The following NT5C1A variants were observed in gnomAD, a reference collection of about 807,000 sequenced individuals.
The protein encoded by NT5C1A is cytosolic 5'-nucleotidase 1A.
Under a neutral mutation model 31.0 loss-of-function variants are expected in NT5C1A, and 18 were observed. The observed-to-expected ratio is 0.58, with a 90% confidence interval of 0.40 to 0.86. NT5C1A has a LOEUF of 0.86. Among genes scored for constraint, NT5C1A ranks in the 40% least tolerant of loss-of-function variants. The pLI is 0.00. For synonymous variants in NT5C1A, 185 were observed against 203.6 expected, an observed-to-expected ratio of 0.91 and a Z score of 0.78; for missense variants, 470 against 505.4, an observed-to-expected ratio of 0.93 and a Z score of 0.67.
intron 4 of NT5C1A, 100 bp downstream of exon 4, chr1:39,663,212 G>A: frequency 7.3e-7 from 1 of 1,370,372 alleles, no homozygotes; most frequent in Non-Finnish European, 1.0e-6. Flanking sequence ...TAGTTACCAT[G>A]GCAACTCCCA....
chr1:39,667,134 T>A (rs1003293471), intron 1 of NT5C1A, among the ~76,000 whole-genome samples: 2 of 151,186 alleles, frequency 1.3e-5, no homozygotes, highest in African/African-American at 2.4e-5. Context: ...TCCATTCCCC[T>A]CTTCCAATCC....
At chr1:39,665,748 T>C (rs1398862783) in intron 2 of NT5C1A, 98 bp from the exon 3 acceptor site, 7 of 1,253,710 alleles carry the variant, frequency 5.6e-6, no homozygotes, top group Non-Finnish European at 5.6e-6. Context: ...GAGCCATGCT[T>C]GGGATGAGAT....
In NT5C1A at chr1:39,659,442, CT is replaced by C; in HGVS notation, c.785del (p.Lys262ArgfsTer19). Reference sequence around the variant, plus strand: ...GCCGCAGGCCTTTGGAGTAGAACTTCTTCTGCAACCTACCCAGTGCCTCCAG... The same window carrying C: ...GCCGCAGGCCTTTGGAGTAGAACTTCTCTGCAACCTACCCAGTGCCTCCAG... ...GFLEALGRLQ[K>X]KFYSKGLRLE... is the part of the protein sequence containing the mutation. On this transcript the variant is annotated frameshift_variant, in exon 6 of 6. Transcript: ENST00000235628. LOFTEE classifies it high-confidence loss of function. The C allele has an allele frequency of 6.2e-7, 1 of 1,604,434 alleles. No homozygotes were observed. The highest frequency in any genetic ancestry group is 8.5e-7 in the Non-Finnish European group (1 of 1,173,904).
rs921311344 is a variant in NT5C1A at position 39,653,281 on chromosome 1, T to A, written c.*5840A>T. Among the ~76,000 whole-genome samples, 10 of 151,984 alleles carry A rather than the reference T, an allele frequency of 6.6e-5. No individual in the cohort carries two copies. The highest frequency in any genetic ancestry group is 6.5e-4 in the Admixed American group (10 of 15,272). On this transcript the variant is annotated 3_prime_UTR_variant, in exon 6 of 6. Coordinates refer to ENST00000235628, the MANE Select transcript of NT5C1A (RefSeq NM_032526.3). ...TGCACATACGCAAATGCCCATGTTA[T>A]GATGGAAATGGGTACAACTATCCTA...
intron 1 of NT5C1A, among the ~76,000 whole-genome samples, chr1:39,666,974 C>A (rs914431851): frequency 6.6e-6 from 1 of 152,228 alleles, no homozygotes; most frequent in African/African-American, 2.4e-5. Flanking sequence ...ATTCTCTAAT[C>A]TGTCATTCAT....
rs1011484491 is a variant in NT5C1A at position 39,657,495 on chromosome 1, C to T, written c.*1626G>A. Among the ~76,000 whole-genome samples, 3 of 152,226 alleles carry T rather than the reference C, an allele frequency of 2.0e-5. No individual in the cohort carries two copies. In the South Asian group the frequency reaches 6.2e-4, roughly 32 times the overall value. On this transcript the variant is annotated 3_prime_UTR_variant, in exon 6 of 6. Coordinates refer to ENST00000235628, the MANE Select transcript of NT5C1A (RefSeq NM_032526.3). ...TTCTTTACAAAGTGCTTGCTCATGA[C>T]TAGGATTCCTCCTAGAAGCCTGGCA...
In NT5C1A at chr1:39,663,313, C is replaced by G. The variant is rs1183874869; in HGVS notation, c.555G>C (p.Glu185Asp). 6.2e-7 allele frequency: 1 copy of G among 1,614,180 alleles called. No homozygotes were observed. The highest frequency in any genetic ancestry group is 1.7e-5 in the Admixed American group (1 of 60,016). The change falls in exon 4 of 6, where the codon GAG (glutamate) becomes GAC (aspartate). Residue 185 changes from glutamate (E) to aspartate (D), a missense_variant and splice_region_variant. Glu to Asp is a conservative substitution (Grantham distance 45). Coordinates refer to ENST00000235628, the MANE Select transcript of NT5C1A (RefSeq NM_032526.3). ...TTCTTCCTCTTCACTTAGACTTACC[C>G]TCATCAATGGCTTCTCGCACTTTTT... The part of the protein sequence containing the change: ...DAEKVREAID[E>D]GIAAATIFSP...
Position 39,652,992 on chromosome 1 carries a change from G to T in NT5C1A, c.*6129C>A, listed in dbSNP as rs907231260. 6.6e-6 allele frequency among the ~76,000 whole-genome samples: 1 copy of T among 152,048 alleles called. No homozygotes were observed. Among genetic ancestry groups the T allele is most frequent in the Non-Finnish European group, 1.5e-5 (1 of 68,018 alleles). ...GGCAGGTTGTGCAGGTGTCTAATAG[G>T]TACTACCCATGTCACAATACCAATG... On this transcript the variant is annotated 3_prime_UTR_variant, in exon 6 of 6. Transcript: ENST00000235628.
intron 3 of NT5C1A, among the ~76,000 whole-genome samples, chr1:39,664,815 T>C (rs777977340): frequency 2.0e-5 from 3 of 150,868 alleles, no homozygotes; most frequent in Admixed American, 6.6e-5. Context: ...GGTTTTTATT[T>C]AGGAAAAGCA....
chr1:39,663,187 C>T (rs914895371), intron 4 of NT5C1A, 125 bp downstream of exon 4: 36 of 1,051,554 alleles, frequency 3.4e-5, no homozygotes, highest in Non-Finnish European at 5.2e-5. Context: ...GAAAGTATTG[C>T]TCAGCCTTGC....
At chr1:39,663,184 T>A (rs1646500288) in intron 4 of NT5C1A, 128 bp downstream of exon 4, 1 of 996,684 alleles carries the variant, frequency 1.0e-6, no homozygotes, top group Non-Finnish European at 1.5e-6. Flanking sequence ...AAGGAAAGTA[T>A]TGCTCAGCCT....
At position 39,654,074 on chromosome 1, in the gene NT5C1A, T is replaced by G. The variant is rs1243060871; in HGVS notation, c.*5047A>C. On this transcript the variant is annotated 3_prime_UTR_variant, in exon 6 of 6. Transcript: ENST00000235628. ...ATGGCATAGCGACAGCAATGATGGC[T>G]GTAGATGGGGCGTCTTCCATACTGT... 3.3e-5 allele frequency among the ~76,000 whole-genome samples: 5 copies of G among 152,234 alleles called. No individual in the cohort carries two copies. Among genetic ancestry groups the G allele is most frequent in the African/African-American group, 1.2e-4 (5 of 41,466 alleles).
chr1:39,664,716 G>A (rs1039057181), intron 3 of NT5C1A, among the ~76,000 whole-genome samples: 11 of 150,170 alleles, frequency 7.3e-5, no homozygotes, highest in East Asian at 4.0e-4. Context: ...TTTGAACTCC[G>A]GACCTCAAGT....
chr1:39,667,345 G>C (rs1385252810), intron 1 of NT5C1A, among the ~76,000 whole-genome samples: 1 of 151,918 alleles, frequency 6.6e-6, no homozygotes, highest in Non-Finnish European at 1.5e-5. Flanking sequence ...GGGACTATAG[G>C]TACCCGCCAC....
rs535373381 is a variant in NT5C1A at position 39,665,536 on chromosome 1, T to G, written c.418A>C (p.Ser140Arg). The G allele has an allele frequency of 1.2e-6, 2 of 1,613,038 alleles. No homozygotes were observed. The highest frequency in any genetic ancestry group is 3.3e-5 in the Admixed American group (2 of 59,902). Reference protein sequence around the residue: ...HAQVGVRLINSINHYDLFIER... With the variant: ...HAQVGVRLINRINHYDLFIER... ...TCATGCTCACCATAGTGGTTGATAC[T>G]GTTGATGAGGCGGACACCCACTTGA... Residue 140 changes from serine (S) to arginine (R), a missense_variant, in exon 3 of 6, where the codon AGT becomes CGT. Transcript: ENST00000235628.
chr1:39,663,229 G>T, intron 4 of NT5C1A, 83 bp downstream of exon 4: 2 of 1,539,262 alleles, frequency 1.3e-6, no homozygotes, highest in Non-Finnish European at 1.8e-6. Flanking sequence ...CCCAGCACCT[G>T]CTCGGAACTT....
chr1:39,657,523 C>T lies in NT5C1A; in HGVS notation c.*1598G>A, dbSNP rs1646469878. Among the ~76,000 whole-genome samples the T allele has an allele frequency of 6.6e-6, 1 of 152,326 alleles. No individual in the cohort carries two copies. Among genetic ancestry groups the T allele is most frequent in the South Asian group, 2.1e-4 (1 of 4,828 alleles). ...GGATTCCTCCTAGAAGCCTGGCAAT[C>T]AGTCCACACACAGATGTCTGCTCAC... On this transcript the variant is annotated 3_prime_UTR_variant, in exon 6 of 6. Coordinates refer to ENST00000235628, the MANE Select transcript of NT5C1A (RefSeq NM_032526.3).
chr1:39,662,033 G>T (rs1646495163), intron 4 of NT5C1A, among the ~76,000 whole-genome samples: 1 of 152,214 alleles, frequency 6.6e-6, no homozygotes, highest in African/African-American at 2.4e-5. Context: ...GTCCAAGGAT[G>T]CCTCTCAGGG....
intron 1 of NT5C1A, among the ~76,000 whole-genome samples, chr1:39,669,374 G>T (rs1646538761): frequency 1.3e-5 from 2 of 152,190 alleles, no homozygotes; most frequent in Non-Finnish European, 2.9e-5. Flanking sequence ...AAGGGCTGCT[G>T]AAAGAGAGAG....
Sources: gnomAD v4.1 joint callset for allele counts (sites outside exome capture counted in the v4.1 genomes callset) on GRCh38, gnomAD v4.1.1 for gene constraint, MANE v1.5 for transcripts, NCBI Gene and HGNC (gene_info 2026-07-23, HGNC 2026-07-21) for gene names.